Variants in PROM1 observed in about 807,000 individuals in gnomAD.
The protein encoded by PROM1 is prominin 1.
PROM1 carries 105 observed loss-of-function variants against 116.9 expected under a neutral mutation model. The observed-to-expected ratio is 0.90, with a 90% CI of 0.77 to 1.06. The LOEUF (loss-of-function observed/expected upper bound fraction) is 1.06, where lower values mean the gene tolerates loss of function less well. Ranked by LOEUF, PROM1 falls within the 50% of genes least tolerant of loss-of-function variation. The probability of loss-of-function intolerance (pLI) is 0.00; values close to 1 mark genes in which losing one functional copy is unlikely to be tolerated. For missense variants in PROM1, 1,122 were observed against 1,045.2 expected (o/e 1.07, Z -1.01); for synonymous variants, 393 against 387.0 (o/e 1.02, Z -0.18).
intron 1 of PROM1, chr4:16,082,701 C>G (rs932695383): frequency 3.3e-5 from 5 of 152,198 alleles, no homozygotes; most frequent in African/African-American, 1.2e-4. Context: ...CTGCTCTGAG[C>G]GCGTCGGCGC....
rs533747461 is a variant in PROM1 at position 16,004,203 on chromosome 4, T to C, written c.1454+2335A>G. 4.6e-5 allele frequency among the ~76,000 whole-genome samples: 7 copies of C among 152,298 alleles called. No individual in the cohort carries two copies. The South Asian group carries it at 6.2e-4, about 14-fold the overall frequency. On this transcript the variant is annotated intron_variant, in intron 13 of 27. Transcript: ENST00000447510. ...CATGCTGACTGGTTGCATTCAACAA[T>C]AAAGAAATCATAGCCACCCTAAGTC...
At position 15,985,828 on chromosome 4, in the gene PROM1, C is replaced by T; in HGVS notation, c.2212G>A (p.Glu738Lys). The change falls in exon 22 of 28, where the codon GAA becomes AAA. Residue 738 changes from glutamate to lysine, a missense_variant and splice_region_variant. Coordinates refer to ENST00000447510, the MANE Select transcript of PROM1 (RefSeq NM_006017.3). ...ATTGTTCTCCCATACTTCTTAGTTT[C>T]CTGGAAAGAAACAAAAGATGAGTAG... is the stretch of plus-strand genomic sequence containing the variant. ...TNNTSSVIIE[E>K]TKKYGRTIIG... 9.5e-7 allele frequency: 1 copy of T among 1,051,978 alleles called. No homozygotes were observed. The highest frequency in any genetic ancestry group is 1.9e-5 in the South Asian group (1 of 52,946). 65.2% of individuals were successfully genotyped at this position (1,051,978 alleles called of 1,614,324 possible).
intron 2 of PROM1, among the ~76,000 whole-genome samples, chr4:16,057,112 T>C (rs1739232825): frequency 6.6e-6 from 1 of 152,220 alleles, no homozygotes; most frequent in Non-Finnish European, 1.5e-5. Flanking sequence ...TATGCACAAG[T>C]TATATTTGGA....
intron 2 of PROM1, among the ~76,000 whole-genome samples, chr4:16,044,680 T>C (rs1357591731): frequency 6.6e-6 from 1 of 152,236 alleles, no homozygotes; most frequent in Non-Finnish European, 1.5e-5. Context: ...TTTAGAGACT[T>C]GCAGAAACTA....
intron 8 of PROM1, 124 bp from the exon 9 acceptor site, chr4:16,018,664 G>T (rs1215080635): frequency 2.6e-6 from 2 of 783,532 alleles, no homozygotes; most frequent in Non-Finnish European, 2.1e-6. Context: ...GGGACACACT[G>T]CAAGGGGCAG....
intron 15 of PROM1, among the ~76,000 whole-genome samples, chr4:15,995,980 AT>A (rs1722229724): frequency 6.6e-6 from 1 of 152,238 alleles, no homozygotes; most frequent in African/African-American, 2.4e-5. Flanking sequence ...TCATATAATA[AT>A]AAAAGCAGTT....
At chr4:16,031,131 A>G (rs891834915) in intron 5 of PROM1, among the ~76,000 whole-genome samples, 12 of 152,252 alleles carry the variant, frequency 7.9e-5, no homozygotes, top group African/African-American at 2.9e-4. Context: ...TACATTCAAT[A>G]AAGAATTTTC....
rs1408585980 is a variant in PROM1, at chr4:16,016,194, C to T, written c.1049G>A (p.Arg350Lys). 1.3e-6 allele frequency: 2 copies of T among 1,555,020 alleles called. No homozygotes were observed. The highest frequency in any genetic ancestry group is 2.4e-5 in the South Asian group (2 of 83,970). The change falls in exon 10 of 28, where the codon AGG (arginine) becomes AAG (lysine). Residue 350 changes from arginine (R) to lysine (K), a missense_variant. Transcript: ENST00000447510. ...TTGGACCAGGCCATCCAAATCTGTC[C>T]TAAGAACGTTATTAACGTTGTCAAG... ...AELDNVNNVL[R>K]TDLDGLVQQG...
At chr4:15,981,288 T>C (rs536187928) in intron 23 of PROM1, among the ~76,000 whole-genome samples, 5 of 149,458 alleles carry the variant, frequency 3.3e-5, no homozygotes, top group African/African-American at 1.2e-4. Flanking sequence ...GATGACAAAT[T>C]AGCCAGGTGC....
intron 24 of PROM1, 191 bp downstream of exon 24, chr4:15,980,231 G>A (rs1717405788): frequency 3.3e-6 from 2 of 599,624 alleles, no homozygotes; most frequent in Non-Finnish European, 5.8e-6. Flanking sequence ...GAAAAAAGTA[G>A]TTAAAACAAG....
chr4:15,981,383 A>G (rs373339363), intron 23 of PROM1, among the ~76,000 whole-genome samples: 1 of 151,706 alleles, frequency 6.6e-6, no homozygotes, highest in African/African-American at 2.4e-5. Flanking sequence ...ATTCTGGCCA[A>G]CGTAGTGAAA....
intron 11 of PROM1, among the ~76,000 whole-genome samples, chr4:16,011,815 ACTTTT>A (rs1726944569): frequency 6.6e-6 from 1 of 152,220 alleles, no homozygotes; most frequent in Non-Finnish European, 1.5e-5. Context: ...AAGATAAAAC[ACTTTT>A]CTACTCAAAC....
chr4:16,036,702 G>A (rs765296268), intron 3 of PROM1, among the ~76,000 whole-genome samples: 3 of 152,194 alleles, frequency 2.0e-5, no homozygotes, highest in South Asian at 2.1e-4. Flanking sequence ...CCAAATAAAC[G>A]ACTTGCCCTG....
intron 5 of PROM1, among the ~76,000 whole-genome samples, chr4:16,030,109 A>C (rs1442348782): frequency 6.6e-6 from 1 of 152,194 alleles, no homozygotes; most frequent in Non-Finnish European, 1.5e-5. Context: ...ACTTGCAAAC[A>C]ATATGTAGGT....
chr4:16,005,495 GGTGTGTGT>G (rs3221933), intron 13 of PROM1, among the ~76,000 whole-genome samples: 23,250 of 145,722 alleles, frequency 0.16, 1,871 homozygotes, highest in East Asian at 0.2. Flanking sequence ...TTGTTTGTTT[GGTGTGTGT>G]GTGTGTGTGT....
chr4:15,970,922 A>C (rs1391922058), intron 27 of PROM1, 121 bp downstream of exon 27: 2 of 765,766 alleles, frequency 2.6e-6, no homozygotes, highest in South Asian at 1.7e-5. Context: ...ATCTTGTCTA[A>C]TATGCTGATC....
At chr4:16,036,146 C>T (rs537483240) in intron 3 of PROM1, among the ~76,000 whole-genome samples, 2 of 152,300 alleles carry the variant, frequency 1.3e-5, no homozygotes, top group East Asian at 3.9e-4. Flanking sequence ...AGCATCTTCC[C>T]AAGTGCCCTT....
chr4:16,030,924 T>TA (rs545615150), intron 5 of PROM1, among the ~76,000 whole-genome samples: 93 of 152,156 alleles, frequency 6.1e-4, no homozygotes, highest in Middle Eastern at 6.8e-3. Flanking sequence ...CGCATGCTTG[T>TA]AATCCCAGCT....
intron 2 of PROM1, among the ~76,000 whole-genome samples, chr4:16,063,763 C>T (rs923725269): frequency 5.3e-5 from 8 of 152,148 alleles, no homozygotes; most frequent in Admixed American, 2.0e-4. Flanking sequence ...TGAGGATATA[C>T]TGTTAACTTC....
Sources: allele counts gnomAD v4.1 joint callset (sites outside exome capture counted in the v4.1 genomes callset), GRCh38; gene constraint gnomAD v4.1.1; transcripts MANE v1.5; gene names NCBI Gene and HGNC (gene_info 2026-07-23, HGNC 2026-07-21).